EP300: variants seen among roughly 807,000 people sequenced by gnomAD.
EP300 encodes the protein histone acetyltransferase p300.
In EP300, 31 loss-of-function variants were observed where a neutral mutation model predicts 264.0. The ratio of observed to expected loss-of-function variants is 0.12; its 90% CI spans 0.09 to 0.16. The LOEUF (loss-of-function observed/expected upper bound fraction) is 0.16, where lower values mean the gene tolerates loss of function less well. Among genes scored for constraint, EP300 ranks in the 10% least tolerant of loss-of-function variants. The pLI, the probability that EP300 is intolerant of heterozygous loss-of-function variation, is 1.00. For missense variants in EP300, 2,766 were observed against 3,052.9 expected (o/e 0.91, Z 2.21); for synonymous variants, 1,340 against 1,045.4 (o/e 1.28, Z -5.44).
chr22:41,139,620 G>A (rs2058970630), intron 8 of EP300, among the ~76,000 whole-genome samples: 1 of 152,164 alleles, frequency 6.6e-6, no homozygotes, highest in South Asian at 2.1e-4. Context: ...TTTTGTTAGG[G>A]AATTGCATGA....
Position 41,127,502 on chromosome 22 carries a change from C to T in EP300, c.922C>T (p.Pro308Ser). ...TATCTCTCAGGGTCAACAGCCAGCC[C>T]CGCAGGTCCAGCAGCCAGGCCTGGT... ...GMPNMGQQPA[P>S]QVQQPGLVTP... Residue 308 changes from proline to serine, a missense_variant, in exon 4 of 31, where the codon CCG (proline) becomes TCG (serine). Transcript: ENST00000263253. 1 of 1,614,212 alleles carries T rather than the reference C, an allele frequency of 6.2e-7. No homozygotes were observed. Among genetic ancestry groups the T allele is most frequent in the Middle Eastern group, 1.6e-4 (1 of 6,062 alleles).
chr22:41,141,202 C>T lies in EP300; in HGVS notation c.2033C>T (p.Pro678Leu), dbSNP rs1246231485. 6.2e-6 allele frequency: 10 copies of T among 1,614,060 alleles called. No homozygotes were observed. Among genetic ancestry groups the T allele is most frequent in the South Asian group, 1.1e-5 (1 of 91,064 alleles). ...AATCCAGGGCCTAACATGGGACAGC[C>T]GCAACCAGGAATGACTTCTAGTAAG... ...SMNPGPNMGQ[P>L]QPGMTSNGPL... Residue 678 changes from proline (P) to leucine (L), a missense_variant, in exon 10 of 31, where the codon CCG becomes CTG. Coordinates refer to ENST00000263253, the MANE Select transcript of EP300 (RefSeq NM_001429.4).
intron 1 of EP300, among the ~76,000 whole-genome samples, chr22:41,107,753 T>C (rs1289254504): frequency 1.3e-5 from 2 of 152,194 alleles, no homozygotes; most frequent in African/African-American, 4.8e-5. Flanking sequence ...CAAACTGGAG[T>C]GCATTGGTGC....
intron 1 of EP300, among the ~76,000 whole-genome samples, chr22:41,095,175 G>C (rs978085824): frequency 2.0e-5 from 3 of 150,804 alleles, no homozygotes; most frequent in Non-Finnish European, 3.0e-5. Flanking sequence ...GGGGAGAAGT[G>C]AGTATAAAGA....
chr22:41,160,120 G>A (rs2059099439), intron 19 of EP300: 1 of 160,206 alleles, frequency 6.2e-6, no homozygotes, highest in African/African-American at 2.4e-5. Context: ...TTCTCTCCCT[G>A]GTATATTTAT....
chr22:41,176,136 C>A, intron 29 of EP300, 111 bp from the exon 30 acceptor site: 1 of 1,279,286 alleles, frequency 7.8e-7, no homozygotes, highest in Non-Finnish European at 1.1e-6. Flanking sequence ...GGGATAATTG[C>A]TTGAGCCCAG....
Position 41,176,911 on chromosome 22 carries a change from A to T in EP300, c.5200A>T (p.Ser1734Cys). 6.2e-7 allele frequency: 1 copy of T among 1,614,146 alleles called. No homozygotes were observed. Among genetic ancestry groups the T allele is most frequent in the Non-Finnish European group, 8.5e-7 (1 of 1,180,006 alleles). Residue 1734 changes from serine to cysteine, a missense_variant, in exon 31 of 31, where the codon AGT becomes TGT. By Grantham distance (112) the Ser-to-Cys change is moderately radical. Coordinates refer to ENST00000263253, the MANE Select transcript of EP300 (RefSeq NM_001429.4). The stretch of plus-strand genomic sequence containing the variant: ...GAGCCCAGGCGATTCTCGCCGCCTG[A>T]GTATCCAGCGCTGCATCCAGTCTCT... ...TQSPGDSRRL[S>C]IQRCIQSLVH...
chr22:41,166,546 T>G (rs969458202), intron 22 of EP300, 53 bp from the exon 23 acceptor site: 26 of 1,433,488 alleles, frequency 1.8e-5, no homozygotes, highest in Non-Finnish European at 2.5e-5. Context: ...TTTGTTAGTA[T>G]AAATTCAACG....
At chr22:41,142,560 T>C (rs918455297) in intron 10 of EP300, among the ~76,000 whole-genome samples, 3 of 152,022 alleles carry the variant, frequency 2.0e-5, no homozygotes, top group Non-Finnish European at 4.4e-5. Flanking sequence ...CTTCAGTACA[T>C]GATTTGGACT....
chr22:41,178,126 G>A lies in EP300; in HGVS notation c.6415G>A (p.Gly2139Ser). 6.2e-7 allele frequency: 1 copy of A among 1,614,114 alleles called. No individual in the cohort carries two copies. Among genetic ancestry groups the A allele is most frequent in the Non-Finnish European group, 8.5e-7 (1 of 1,180,012 alleles). The change falls in exon 31 of 31, where the codon GGC (glycine) becomes AGC (serine). Residue 2139 changes from glycine (G) to serine (S), a missense_variant. Physicochemically the swap from Gly to Ser is moderately conservative, Grantham distance 56. Coordinates refer to ENST00000263253, the MANE Select transcript of EP300 (RefSeq NM_001429.4). ...AMQNMNPMQA[G>S]VQRAGLPQQQ... ...GCAGAACATGAATCCAATGCAGGCG[G>A]GCGTTCAGAGGGCTGGCCTGCCCCA...
At chr22:41,102,338 C>T (rs527423904) in intron 1 of EP300, among the ~76,000 whole-genome samples, 1 of 152,212 alleles carries the variant, frequency 6.6e-6, no homozygotes, top group South Asian at 2.1e-4. Flanking sequence ...AGTAGTTATC[C>T]TGGTGGCTGT....
chr22:41,096,444 G>T (rs1251728243), intron 1 of EP300, among the ~76,000 whole-genome samples: 6 of 152,040 alleles, frequency 3.9e-5, no homozygotes, highest in Admixed American at 1.3e-4. Flanking sequence ...GATCCTTCTG[G>T]TCTTGGTACA....
chr22:41,117,612 A>G lies in EP300; in HGVS notation c.520A>G (p.Asn174Asp). 1 of 1,614,224 alleles carries G rather than the reference A, an allele frequency of 6.2e-7. No individual in the cohort carries two copies. The highest frequency in any genetic ancestry group is 1.6e-4 in the Middle Eastern group (1 of 6,062). Residue 174 changes from asparagine (N) to aspartate (D), a missense_variant, in exon 2 of 31, where the codon AAT (asparagine) becomes GAT (aspartate). Transcript: ENST00000263253. ...GMNTGMNAGM[N>D]PGMLAAGNGQ... ...GAACACAGGGATGAATGCGGGCATG[A>G]ATCCTGGAATGTTGGCTGCAGGCAA...
intron 1 of EP300, among the ~76,000 whole-genome samples, chr22:41,094,922 T>C (rs75844813): frequency 0.032 from 4,807 of 152,286 alleles, 101 homozygotes; most frequent in Non-Finnish European, 0.051. Context: ...CGGTCTGTTT[T>C]GCTACTTGAA....
rs1483701773 is a variant in EP300, at chr22:41,178,759, G to A, written c.7048G>A (p.Gly2350Arg). ...CCCACAGACAAGTTCCCCACATCCT[G>A]GACTGGTAGCTGCCCAGGCCAACCC... Reference protein sequence around the residue: ...VSPQTSSPHPGLVAAQANPME... With the variant: ...VSPQTSSPHPRLVAAQANPME... The change falls in exon 31 of 31, where the codon GGA (glycine) becomes AGA (arginine). Residue 2350 changes from glycine to arginine, a missense_variant. Transcript: ENST00000263253. The A allele has an allele frequency of 6.2e-7, 1 of 1,613,924 alleles. No homozygotes were observed. The highest frequency in any genetic ancestry group is 8.5e-7 in the Non-Finnish European group (1 of 1,180,028).
chr22:41,120,780 C>T (rs1211293747), intron 2 of EP300, among the ~76,000 whole-genome samples: 1 of 152,178 alleles, frequency 6.6e-6, no homozygotes, highest in Non-Finnish European at 1.5e-5. Context: ...TACAGTGGCA[C>T]CATCACAGCT....
At chr22:41,160,539 C>T (rs1480961238) in intron 19 of EP300, 103 bp from the exon 20 acceptor site, 10 of 990,198 alleles carry the variant, frequency 1.0e-5, no homozygotes, top group African/African-American at 4.8e-5. Context: ...TCTCTGCTCC[C>T]GTCCCCCTCC....
chr22:41,149,904 C>T lies in EP300; in HGVS notation c.2523C>T (p.Thr841=), dbSNP rs141311387. The change falls in exon 14 of 31, where the codon ACC becomes ACT. Residue 841 remains threonine (T), a synonymous_variant. Coordinates refer to ENST00000263253, the MANE Select transcript of EP300 (RefSeq NM_001429.4). ...CGCCTGTACCTAGTCGTACCCCCACCCCTCACCATACTCCCCCAAGCATAG... is the reference window on the plus strand; with the variant it reads ...CGCCTGTACCTAGTCGTACCCCCACTCCTCACCATACTCCCCCAAGCATAG... ...SPSPVPSRTP[T]PHHTPPSIGA... 6 of 1,613,842 alleles carry T rather than the reference C, an allele frequency of 3.7e-6. No homozygotes were observed. In the African/African-American group the frequency reaches 8.0e-5, roughly 22 times the overall value.
chr22:41,169,800 TTGGCCC>T (rs2059159959), intron 26 of EP300, among the ~76,000 whole-genome samples, 184 bp downstream of exon 26: 1 of 152,236 alleles, frequency 6.6e-6, no homozygotes, highest in Non-Finnish European at 1.5e-5. Flanking sequence ...AATGGATATG[TTGGCCC>T]TAGTTTCACC....
Sources: allele counts gnomAD v4.1 joint callset (sites outside exome capture counted in the v4.1 genomes callset), GRCh38; gene constraint gnomAD v4.1.1; transcripts MANE v1.5; gene names NCBI Gene and HGNC (gene_info 2026-07-23, HGNC 2026-07-21).